The following HECW1 variants were observed in gnomAD, a reference collection of about 807,000 sequenced individuals.
The protein encoded by HECW1 is E3 ubiquitin-protein ligase HECW1.
A neutral mutation model predicts 182.3 loss-of-function variants in HECW1; 61 were observed. That is an observed-to-expected ratio of 0.33 (90% confidence interval 0.27 to 0.41). The LOEUF is 0.41. Ranked by LOEUF, HECW1 falls within the 10% of genes least tolerant of loss-of-function variation. The pLI is 1.00. For missense variants in HECW1, 1,739 were observed against 2,108.9 expected, an observed-to-expected ratio of 0.82 and a Z score of 3.44; for synonymous variants, 859 against 832.6, an observed-to-expected ratio of 1.03 and a Z score of -0.55.
At chr7:43,205,543 T>C (rs1019694851) in intron 2 of HECW1, among the ~76,000 whole-genome samples, 3 of 152,172 alleles carry the variant, frequency 2.0e-5, no homozygotes, top group Admixed American at 6.5e-5. Context: ...CAAGGCCTGC[T>C]TGAGAACTCT....
intron 3 of HECW1, among the ~76,000 whole-genome samples, chr7:43,251,614 C>T (rs181286634): frequency 1.3e-5 from 2 of 152,290 alleles, no homozygotes; most frequent in African/African-American, 4.8e-5. Context: ...CCATGCCTGG[C>T]CACAAAATCT....
intron 3 of HECW1, among the ~76,000 whole-genome samples, chr7:43,299,419 G>A (rs1396069006): frequency 1.3e-5 from 2 of 152,224 alleles, no homozygotes; most frequent in South Asian, 2.1e-4. Context: ...CACGAAAACC[G>A]TGCCTTTTCC....
At chr7:43,308,149 ATAT>A (rs1411456436) in intron 3 of HECW1, among the ~76,000 whole-genome samples, 1 of 105,342 alleles carries the variant, frequency 9.5e-6, no homozygotes, top group Non-Finnish European at 1.7e-5. Context: ...ATTATATTAT[ATAT>A]TATATATTTA....
rs575572690 is a variant in HECW1 at position 43,319,364 on chromosome 7, G to A, written c.353-1271G>A. On this transcript the variant is annotated intron_variant, in intron 4 of 29. Coordinates refer to ENST00000395891, the MANE Select transcript of HECW1 (RefSeq NM_015052.5). Reference sequence around the variant, plus strand: ...ATTGCGCCACTGGAGTCCGCAGTCCGGCCTGGGCGACAGAGCGAGACTCCG... The same window carrying A: ...ATTGCGCCACTGGAGTCCGCAGTCCAGCCTGGGCGACAGAGCGAGACTCCG... 5.9e-4 allele frequency among the ~76,000 whole-genome samples: 78 copies of A among 132,518 alleles called. 1 individual carries two copies. Among genetic ancestry groups the A allele is most frequent in the Middle Eastern group, 8.9e-3 (2 of 224 alleles). 86.9% of individuals were successfully genotyped at this position (132,518 alleles called of 152,430 possible).
chr7:43,465,660 A>C (rs1039316138), intron 14 of HECW1, among the ~76,000 whole-genome samples: 1 of 152,188 alleles, frequency 6.6e-6, no homozygotes, highest in African/African-American at 2.4e-5. Flanking sequence ...GTGTGGATAC[A>C]AGGAGGAGAG....
intron 5 of HECW1, among the ~76,000 whole-genome samples, chr7:43,344,174 G>C (rs1813383483): frequency 6.6e-6 from 1 of 151,796 alleles, no homozygotes; most frequent in Non-Finnish European, 1.5e-5. Flanking sequence ...TGTCAGATGG[G>C]TAGATTGCAG....
chr7:43,355,729 T>C (rs1815046526), intron 5 of HECW1, among the ~76,000 whole-genome samples: 1 of 152,154 alleles, frequency 6.6e-6, no homozygotes, highest in South Asian at 2.1e-4. Flanking sequence ...CAGTAGCTCA[T>C]GCCTGAAACC....
chr7:43,479,631 A>G lies in HECW1; in HGVS notation c.3121A>G (p.Ser1041Gly), dbSNP rs2078347746. Reference protein sequence around the residue: ...QGKSFFVDHNSRATTFIDPRI... With the variant: ...QGKSFFVDHNGRATTFIDPRI... ...GCAGTCTTTTTTCGTGGACCACAACAGTCGAGCTACCACTTTCATTGACCC... is the reference window on the plus strand; with the variant it reads ...GCAGTCTTTTTTCGTGGACCACAACGGTCGAGCTACCACTTTCATTGACCC... The change falls in exon 17 of 30, where the codon AGT becomes GGT. Residue 1041 changes from serine to glycine, a missense_variant. Coordinates refer to ENST00000395891, the MANE Select transcript of HECW1 (RefSeq NM_015052.5). The G allele has an allele frequency of 1.2e-6, 2 of 1,614,070 alleles. No homozygotes were observed. The highest frequency in any genetic ancestry group is 2.2e-5 in the East Asian group (1 of 44,870).
chr7:43,376,261 C>T (rs1001028308), intron 6 of HECW1, among the ~76,000 whole-genome samples: 4 of 151,984 alleles, frequency 2.6e-5, no homozygotes, highest in African/African-American at 4.8e-5. Flanking sequence ...TCCATATAAA[C>T]AGAAGAAAAA....
intron 3 of HECW1, among the ~76,000 whole-genome samples, chr7:43,261,759 T>C (rs1801200864): frequency 6.6e-6 from 1 of 152,214 alleles, no homozygotes; most frequent in African/African-American, 2.4e-5. Context: ...GCCATATCAA[T>C]CATATCTTTA....
intron 26 of HECW1, among the ~76,000 whole-genome samples, chr7:43,544,323 T>C (rs1239281963): frequency 1.3e-5 from 2 of 152,118 alleles, no homozygotes; most frequent in East Asian, 3.8e-4. Flanking sequence ...AACAACCTAA[T>C]AGAAAAGTCA....
At chr7:43,159,851 T>C (rs1413513472) in intron 2 of HECW1, among the ~76,000 whole-genome samples, 5 of 152,094 alleles carry the variant, frequency 3.3e-5, no homozygotes, top group African/African-American at 1.2e-4. Flanking sequence ...GGCTAATTTT[T>C]TGTATTTTCA....
rs147253417 is a variant in HECW1, at chr7:43,152,503, T to C, written c.-32+38112T>C. Among the ~76,000 whole-genome samples the C allele has an allele frequency of 2.6e-5, 4 of 152,352 alleles. No homozygotes were observed. In the East Asian group the frequency reaches 7.7e-4, roughly 29 times the overall value. Reference sequence around the variant, plus strand: ...TTTTTCAGAGCATTATATTGCTCTTTATTCTTTTTTATAGACTCATATTCC... The same window carrying C: ...TTTTTCAGAGCATTATATTGCTCTTCATTCTTTTTTATAGACTCATATTCC... On this transcript the variant is annotated intron_variant, in intron 2 of 29. Coordinates refer to ENST00000395891, the MANE Select transcript of HECW1 (RefSeq NM_015052.5).
intron 5 of HECW1, among the ~76,000 whole-genome samples, chr7:43,355,671 TA>T (rs1815038069): frequency 6.6e-6 from 1 of 151,082 alleles, no homozygotes; most frequent in Admixed American, 6.6e-5. Flanking sequence ...AGATAGGAAA[TA>T]TGGAAAAAAG....
chr7:43,297,618 G>T lies in HECW1; in HGVS notation c.28-14145G>T, dbSNP rs146470983. On this transcript the variant is annotated intron_variant, in intron 3 of 29. Coordinates refer to ENST00000395891, the MANE Select transcript of HECW1 (RefSeq NM_015052.5). ...CCTCCGCTGCTCCTGTAATCGAGATGAAAATTACTGCCCAGATTTTGATGG... is the reference window on the plus strand; with the variant it reads ...CCTCCGCTGCTCCTGTAATCGAGATTAAAATTACTGCCCAGATTTTGATGG... Among the ~76,000 whole-genome samples the T allele has an allele frequency of 2.1e-3, 327 of 152,284 alleles. 2 individuals carry two copies. Among genetic ancestry groups the T allele is most frequent in the African/African-American group, 6.9e-3 (287 of 41,550 alleles).
intron 6 of HECW1, among the ~76,000 whole-genome samples, chr7:43,376,815 G>A (rs1479342137): frequency 1.3e-5 from 2 of 151,872 alleles, no homozygotes; most frequent in South Asian, 2.1e-4. Flanking sequence ...GCAGTGAGCC[G>A]AGATCGTGCC....
At chr7:43,497,154 G>A (rs7786662) in intron 19 of HECW1, among the ~76,000 whole-genome samples, 40,469 of 152,088 alleles carry the variant, frequency 0.27, 5,395 homozygotes, top group South Asian at 0.39. Context: ...GGCTTTTCCA[G>A]GTAGGTGATG....
chr7:43,137,571 A>G (rs976721208), intron 2 of HECW1, among the ~76,000 whole-genome samples: 1 of 89,038 alleles, frequency 1.1e-5, no homozygotes, highest in Non-Finnish European at 2.2e-5. Flanking sequence ...TTTATTTGAG[A>G]CAGGGTCTTG....
At chr7:43,297,597 C>T (rs1044093512) in intron 3 of HECW1, among the ~76,000 whole-genome samples, 3 of 152,142 alleles carry the variant, frequency 2.0e-5, no homozygotes, top group African/African-American at 4.8e-5. Flanking sequence ...ATCATGCCTC[C>T]GCTGCTCCTG....
Sources: gnomAD v4.1 joint callset for allele counts (sites outside exome capture counted in the v4.1 genomes callset) on GRCh38, gnomAD v4.1.1 for gene constraint, MANE v1.5 for transcripts, NCBI Gene and HGNC (gene_info 2026-07-23, HGNC 2026-07-21) for gene names.